TFDP2: variants seen among roughly 807,000 people sequenced by gnomAD.
TFDP2 encodes the protein transcription factor Dp-2.
In TFDP2, 17 loss-of-function variants were observed where a neutral mutation model predicts 59.3. That is an observed-to-expected ratio of 0.29 (90% CI 0.20 to 0.43). The LOEUF (loss-of-function observed/expected upper bound fraction) is 0.43. Ranked by LOEUF, TFDP2 falls within the 20% of genes least tolerant of loss-of-function variation. The pLI is 1.00. For missense variants in TFDP2, 391 were observed against 528.8 expected (o/e 0.74, Z 2.56); for synonymous variants, 180 against 194.7 (o/e 0.92, Z 0.63).
rs1937602516 is a variant in TFDP2, at chr3:141,964,076, C to A, written c.733-113G>T. 4.7e-6 allele frequency: 4 copies of A among 845,314 alleles called. No homozygotes were observed. In the Admixed American group the frequency reaches 9.1e-5, roughly 19 times the overall value. 52.4% of individuals were successfully genotyped at this position (845,314 alleles called of 1,614,324 possible). A position where few individuals can be genotyped will look rare whatever the true frequency, so the allele number is the denominator to read the frequency against. On this transcript the variant is annotated intron_variant, in intron 9 of 12. Transcript: ENST00000489671. The stretch of plus-strand genomic sequence containing the variant: ...TTAAAATTAGAGTTTAAAGAGACAT[C>A]CCGCCTGCACTAATGAATTAATTTA...
At chr3:141,998,993 G>A (rs1943532148) in intron 4 of TFDP2, among the ~76,000 whole-genome samples, 1 of 152,162 alleles carries the variant, frequency 6.6e-6, no homozygotes, top group African/African-American at 2.4e-5. Context: ...ACTATAAGAA[G>A]CATGCAGTTT....
intron 3 of TFDP2, among the ~76,000 whole-genome samples, chr3:142,034,374 C>T (rs1946580790): frequency 6.6e-6 from 1 of 152,036 alleles, no homozygotes; most frequent in Non-Finnish European, 1.5e-5. Context: ...GCTGGGATTA[C>T]AGGTGTTAGC....
intron 4 of TFDP2, among the ~76,000 whole-genome samples, chr3:142,001,314 C>CT (rs1169110766): frequency 6.6e-6 from 1 of 152,228 alleles, no homozygotes; most frequent in African/African-American, 2.4e-5. Context: ...ACTGGAGCCA[C>CT]ACCTGGAATG....
chr3:142,077,967 C>T (rs1384313626), intron 3 of TFDP2, among the ~76,000 whole-genome samples: 1 of 152,032 alleles, frequency 6.6e-6, no homozygotes, highest in African/African-American at 2.4e-5. Context: ...AAGGGTGAGT[C>T]CCAGGCCTGG....
chr3:142,094,957 C>T (rs1333388815), intron 2 of TFDP2, among the ~76,000 whole-genome samples: 3 of 152,124 alleles, frequency 2.0e-5, no homozygotes, highest in Non-Finnish European at 2.9e-5. Context: ...TAACTATCCA[C>T]TTATTGTTCT....
At chr3:142,114,143 C>G (rs542311892) in intron 1 of TFDP2, among the ~76,000 whole-genome samples, 1 of 149,658 alleles carries the variant, frequency 6.7e-6, no homozygotes, top group South Asian at 2.1e-4. Context: ...CCAGCCCGGG[C>G]GACAAAGCGA....
chr3:142,105,431 C>T, intron 1 of TFDP2, among the ~76,000 whole-genome samples: 1 of 151,968 alleles, frequency 6.6e-6, no homozygotes. Flanking sequence ...GTGTGGGCTA[C>T]CAGATTCAAC....
chr3:142,082,150 C>T (rs1221252937), intron 3 of TFDP2, among the ~76,000 whole-genome samples: 1 of 152,130 alleles, frequency 6.6e-6, no homozygotes, highest in Non-Finnish European at 1.5e-5. Context: ...GGAGTGCAAA[C>T]CCTGTTGTGA....
intron 6 of TFDP2, among the ~76,000 whole-genome samples, chr3:141,983,818 T>TGGAGA (rs1045464894): frequency 6.6e-5 from 10 of 151,932 alleles, no homozygotes; most frequent in African/African-American, 2.4e-4. Flanking sequence ...GAGAAAGTGT[T>TGGAGA]GGAGAGGATG....
At chr3:141,976,006 G>A (rs555617519) in intron 7 of TFDP2, among the ~76,000 whole-genome samples, 12 of 151,928 alleles carry the variant, frequency 7.9e-5, no homozygotes, top group Non-Finnish European at 1.5e-4. Context: ...TCAGCCTCCC[G>A]AGTAGTTGGG....
At chr3:142,111,589 G>C (rs1294278746) in intron 1 of TFDP2, among the ~76,000 whole-genome samples, 1 of 152,036 alleles carries the variant, frequency 6.6e-6, no homozygotes, top group East Asian at 1.9e-4. Flanking sequence ...GGCAAAGAGA[G>C]AGGGATATAT....
At chr3:142,038,063 C>T (rs1401604666) in intron 3 of TFDP2, among the ~76,000 whole-genome samples, 2 of 152,064 alleles carry the variant, frequency 1.3e-5, no homozygotes, top group Non-Finnish European at 2.9e-5. Context: ...AGTGCTTGTG[C>T]TGATCCCCTA....
intron 1 of TFDP2, among the ~76,000 whole-genome samples, chr3:142,125,710 T>TA (rs2062216537): frequency 6.6e-6 from 1 of 152,238 alleles, no homozygotes; most frequent in South Asian, 2.1e-4. Context: ...GAAGTATGTG[T>TA]AGTACATTAC....
Position 141,969,084 on chromosome 3 carries a change from T to TAAC in TFDP2, c.732+988_732+989insGTT, listed in dbSNP as rs1939108014. 2.7e-4 allele frequency among the ~76,000 whole-genome samples: 21 copies of TAAC among 76,554 alleles called. 3 individuals are homozygous for TAAC. Among genetic ancestry groups the TAAC allele is most frequent in the Non-Finnish European group, 4.8e-4 (21 of 44,040 alleles). The allele number at this position is 76,554 out of a possible 152,430, so 50.2% of individuals were successfully genotyped here. A position where few individuals can be genotyped will look rare whatever the true frequency, so the allele number is the denominator to read the frequency against. Reference sequence around the variant, plus strand: ...ATATCTCATATATATGAGATATATATATATAACATATATATATATCTCATA... The same window carrying TAAC: ...ATATCTCATATATATGAGATATATATAACATATAACATATATATATATCTCATA... On this transcript the variant is annotated intron_variant, in intron 9 of 12. Coordinates refer to ENST00000489671, the MANE Select transcript of TFDP2 (RefSeq NM_001178139.2).
At chr3:142,037,203 GCTGA>G (rs1461817855) in intron 3 of TFDP2, among the ~76,000 whole-genome samples, 4 of 152,170 alleles carry the variant, frequency 2.6e-5, no homozygotes, top group Admixed American at 2.6e-4. Flanking sequence ...ACACATATTT[GCTGA>G]CTGTTTACAT....
chr3:141,973,223 G>C (rs868600061), intron 8 of TFDP2, among the ~76,000 whole-genome samples: 1 of 150,844 alleles, frequency 6.6e-6, no homozygotes, highest in African/African-American at 2.4e-5. Flanking sequence ...AGGTTCAAGC[G>C]ATTCTCCTGC....
At chr3:142,004,521 G>C (rs991741125) in intron 4 of TFDP2, among the ~76,000 whole-genome samples, 1 of 152,208 alleles carries the variant, frequency 6.6e-6, no homozygotes, top group East Asian at 1.9e-4. Flanking sequence ...TTTCAGAGTA[G>C]TGGAATGCAA....
chr3:142,116,542 C>T (rs141196264), intron 1 of TFDP2, among the ~76,000 whole-genome samples: 57 of 152,308 alleles, frequency 3.7e-4, no homozygotes, highest in African/African-American at 1.4e-3. Context: ...GGGAGCACGG[C>T]CCTGCTGACA....
intron 3 of TFDP2, among the ~76,000 whole-genome samples, chr3:142,070,921 C>CCTAA (rs2060225199): frequency 6.6e-6 from 1 of 151,978 alleles, no homozygotes; most frequent in Non-Finnish European, 1.5e-5. Flanking sequence ...GGAAATAAGA[C>CCTAA]CTAAGCTTAG....
Sources: gnomAD v4.1 joint callset for allele counts (sites outside exome capture counted in the v4.1 genomes callset) on GRCh38, gnomAD v4.1.1 for gene constraint, MANE v1.5 for transcripts, NCBI Gene and HGNC (gene_info 2026-07-23, HGNC 2026-07-21) for gene names.